LAMA3: variants seen among roughly 807,000 people sequenced by gnomAD.
The protein encoded by LAMA3 is laminin subunit alpha 3, also known as laminin subunit alpha-3.
A neutral mutation model predicts 402.0 loss-of-function variants in LAMA3; 281 were observed. The observed-to-expected ratio is 0.70, with a 90% CI of 0.63 to 0.77. LAMA3 has a LOEUF of 0.77. Among genes scored for constraint, LAMA3 ranks in the 30% least tolerant of loss-of-function variants. LAMA3 has a pLI of 0.00. For synonymous variants in LAMA3, 1,431 were observed against 1,558.4 expected (o/e 0.92, Z 1.93); for missense variants, 3,840 against 4,215.5 (o/e 0.91, Z 2.47).
At chr18:23,922,238 T>A (rs2081868341) in intron 62 of LAMA3, among the ~76,000 whole-genome samples, 1 of 152,232 alleles carries the variant, frequency 6.6e-6, no homozygotes, top group African/African-American at 2.4e-5. Flanking sequence ...GACGATAGTG[T>A]GTGGACAGAA....
chr18:23,771,868 G>A (rs1288775678), intron 8 of LAMA3, among the ~76,000 whole-genome samples: 1 of 152,122 alleles, frequency 6.6e-6, no homozygotes, highest in Non-Finnish European at 1.5e-5. Flanking sequence ...AAAGCCAGGA[G>A]CACAACATTT....
At chr18:23,756,447 C>T (rs1168538218) in intron 6 of LAMA3, among the ~76,000 whole-genome samples, 6 of 149,554 alleles carry the variant, frequency 4.0e-5, no homozygotes, top group Admixed American at 6.7e-5. Context: ...CCGCTTCCCC[C>T]GCCCCCACCC....
In LAMA3 at chr18:23,827,474, C is replaced by A; in HGVS notation, c.2823+7C>A. Reference sequence around the variant, plus strand: ...GGACCTCAGCGGGAGAGAGGTGGGCCAGCCTTTTATTTATTATCAAAGTTA... The same window carrying A: ...GGACCTCAGCGGGAGAGAGGTGGGCAAGCCTTTTATTTATTATCAAAGTTA... On this transcript the variant is annotated splice_region_variant and intron_variant, in intron 23 of 74. Transcript: ENST00000313654. The A allele has an allele frequency of 6.2e-7, 1 of 1,613,816 alleles. No homozygotes were observed. The highest frequency in any genetic ancestry group is 8.5e-7 in the Non-Finnish European group (1 of 1,179,986).
chr18:23,945,068 G>T (rs1213865411), intron 69 of LAMA3, among the ~76,000 whole-genome samples: 1 of 151,884 alleles, frequency 6.6e-6, no homozygotes, highest in Admixed American at 6.5e-5. Flanking sequence ...AGGAGGTGGA[G>T]GTTGCAGTGA....
At chr18:23,902,051 A>G (rs894762564) in intron 48 of LAMA3, among the ~76,000 whole-genome samples, 1 of 152,244 alleles carries the variant, frequency 6.6e-6, no homozygotes, top group African/African-American at 2.4e-5. Flanking sequence ...GGCCAGGTGC[A>G]ATGGCTTATG....
chr18:23,824,443 A>C lies in LAMA3; in HGVS notation c.2449A>C (p.Ile817Leu). 1 of 1,614,146 alleles carries C rather than the reference A, an allele frequency of 6.2e-7. No individual in the cohort carries two copies. ...PSWGAAQSKEIIFLPSKEPAF... is the reference protein window; with the variant it reads ...PSWGAAQSKELIFLPSKEPAF... ...GATAGGTGCTGCTCAAAGCAAAGAG[A>C]TCATCTTCCTGCCGAGTAAGGAGCC... The change falls in exon 21 of 75, where the codon ATC becomes CTC. Residue 817 changes from isoleucine (I) to leucine (L), a missense_variant. This residue lies in a region of LAMA3 where 2,109 missense variants were observed against 2,376.0 expected (regional missense o/e 0.89). Transcript: ENST00000313654.
intron 32 of LAMA3, among the ~76,000 whole-genome samples, chr18:23,857,605 T>G (rs1369843620): frequency 6.6e-6 from 1 of 152,224 alleles, no homozygotes; most frequent in Non-Finnish European, 1.5e-5. Flanking sequence ...CAACACCTAG[T>G]GCTAAGCCTG....
chr18:23,869,940 C>T (rs1186137619), intron 37 of LAMA3, among the ~76,000 whole-genome samples: 2 of 151,666 alleles, frequency 1.3e-5, no homozygotes, highest in African/African-American at 4.8e-5. Context: ...TGGTGGCACA[C>T]ACCTGCAGTC....
chr18:23,954,615 G>T lies in LAMA3; in HGVS notation c.9969G>T (p.Gly3323=), dbSNP rs1156530332. The T allele has an allele frequency of 6.2e-7, 1 of 1,613,964 alleles. No homozygotes were observed. The highest frequency in any genetic ancestry group is 8.5e-7 in the Non-Finnish European group (1 of 1,179,972). The change falls in exon 75 of 75, where the codon GGG becomes GGT. Residue 3323 remains glycine, a synonymous_variant. Coordinates refer to ENST00000313654, the MANE Select transcript of LAMA3 (RefSeq NM_198129.4). ...TCACTGAAGCCTTGGAAGTCCAGGGGCCTGTCAGTCTGAATGGTTGTCCTG... is the reference window on the plus strand; with the variant it reads ...TCACTGAAGCCTTGGAAGTCCAGGGTCCTGTCAGTCTGAATGGTTGTCCTG... ...VPVTEALEVQ[G]PVSLNGCPDQ is the part of the protein sequence containing the mutation.
At chr18:23,928,844 G>A in intron 64 of LAMA3, 79 bp downstream of exon 64, 1 of 1,330,940 alleles carries the variant, frequency 7.5e-7, no homozygotes, top group South Asian at 1.2e-5. Flanking sequence ...GAGAGATTTA[G>A]AAAGTGGTGG....
chr18:23,939,417 G>T (rs1348645788), intron 68 of LAMA3, 31 bp downstream of exon 68: 3 of 1,610,380 alleles, frequency 1.9e-6, no homozygotes, highest in South Asian at 2.2e-5. Context: ...CCCAGCACCA[G>T]CTCAGAACCT....
intron 1 of LAMA3, among the ~76,000 whole-genome samples, chr18:23,701,512 G>GT (rs1448697021): frequency 3.9e-5 from 6 of 152,154 alleles, no homozygotes; most frequent in Admixed American, 1.3e-4. Flanking sequence ...CCTGTGGTTG[G>GT]TTAAAAACTT....
intron 12 of LAMA3, among the ~76,000 whole-genome samples, chr18:23,803,813 T>C (rs2062910930): frequency 6.6e-6 from 1 of 152,216 alleles, no homozygotes; most frequent in Non-Finnish European, 1.5e-5. Flanking sequence ...TTGCAATACC[T>C]GGTCTAAAAC....
rs2081734572 is a variant in LAMA3 at position 23,918,865 on chromosome 18, C to T, written c.7924-2070C>T. Among the ~76,000 whole-genome samples the T allele has an allele frequency of 1.3e-5, 2 of 152,164 alleles. No individual in the cohort carries two copies. The highest frequency in any genetic ancestry group is 1.3e-4 in the Admixed American group (2 of 15,282). On this transcript the variant is annotated intron_variant, in intron 60 of 74. Transcript: ENST00000313654. This position sits in a 1 kb window ranked among gnomAD's most constrained non-coding sequence, Gnocchi z 4.1. ...GACACTGACCCGGTCCAACTCTCCTCTCTGGGGTTGGTCTGGACCCTTCAG... is the reference window on the plus strand; with the variant it reads ...GACACTGACCCGGTCCAACTCTCCTTTCTGGGGTTGGTCTGGACCCTTCAG...
chr18:23,896,190 G>A (rs975953163), intron 44 of LAMA3, among the ~76,000 whole-genome samples: 2 of 152,044 alleles, frequency 1.3e-5, no homozygotes, highest in Non-Finnish European at 2.9e-5. Flanking sequence ...ACAAAAATTA[G>A]CCAGGCATGA....
At chr18:23,710,276 CT>C in intron 1 of LAMA3, 1 of 541,592 alleles carries the variant, frequency 1.8e-6, no homozygotes, top group Non-Finnish European at 3.3e-6. Flanking sequence ...CCTTCTTCGC[CT>C]TCGGCGCCAT....
At chr18:23,756,432 C>T (rs1241927683) in intron 6 of LAMA3, among the ~76,000 whole-genome samples, 1 of 150,824 alleles carries the variant, frequency 6.6e-6, no homozygotes, top group East Asian at 2.0e-4. Context: ...GCGGGGACAC[C>T]CCCGCCGCTT....
chr18:23,900,070 C>CGTGTGTGCGTGT (rs2081017585), intron 47 of LAMA3, among the ~76,000 whole-genome samples: 1 of 150,632 alleles, frequency 6.6e-6, no homozygotes, highest in Non-Finnish European at 1.5e-5. Flanking sequence ...TGTGTGTGTG[C>CGTGTGTGCGTGT]GTGTGTGTGT....
chr18:23,767,619 C>T (rs1156254696), intron 8 of LAMA3, among the ~76,000 whole-genome samples: 1 of 148,906 alleles, frequency 6.7e-6, no homozygotes, highest in Non-Finnish European at 1.5e-5. Flanking sequence ...GCTCTGTCAC[C>T]CAGGCTGGAG....
Sources: allele counts gnomAD v4.1 joint callset (sites outside exome capture counted in the v4.1 genomes callset), GRCh38; gene constraint gnomAD v4.1.1; regional missense constraint gnomAD v4.1.1; non-coding constraint Gnocchi (gnomAD v3.1); transcripts MANE v1.5; gene names NCBI Gene and HGNC (gene_info 2026-07-23, HGNC 2026-07-21).